LRBA: variants seen among roughly 807,000 people sequenced by gnomAD.
The protein encoded by LRBA is LPS responsive beige-like anchor protein, also known as lipopolysaccharide-responsive and beige-like anchor protein.
Under a neutral mutation model 330.0 loss-of-function variants are expected in LRBA, and 176 were observed. The observed-to-expected ratio is 0.53, with a 90% CI of 0.47 to 0.60. LRBA has a LOEUF of 0.60. Ranked by LOEUF, LRBA falls within the 20% of genes least tolerant of loss-of-function variation. The pLI, the probability that LRBA is intolerant of heterozygous loss-of-function variation, is 0.00. For missense variants in LRBA, 3,259 were observed against 3,444.8 expected (o/e 0.95, Z 1.35); for synonymous variants, 1,230 against 1,193.0 (o/e 1.03, Z -0.64).
At chr4:150,938,857 G>C (rs150716882) in intron 2 of LRBA, among the ~76,000 whole-genome samples, 15 of 152,098 alleles carry the variant, frequency 9.9e-5, no homozygotes, top group African/African-American at 3.6e-4. Context: ...GGGCCTCTCT[G>C]TTCTATCAGT....
At chr4:150,500,111 G>A (rs575083767) in intron 40 of LRBA, among the ~76,000 whole-genome samples, 2 of 152,096 alleles carry the variant, frequency 1.3e-5, no homozygotes, top group Non-Finnish European at 2.9e-5. Context: ...GATAGTGAAT[G>A]TTCCCAACAT....
chr4:150,828,053 T>A (rs1746532205), intron 30 of LRBA, 127 bp downstream of exon 30: 1 of 717,702 alleles, frequency 1.4e-6, no homozygotes, highest in African/African-American at 1.8e-5. Context: ...TATTGGTAGT[T>A]AAGTTCTGAG....
intron 47 of LRBA, among the ~76,000 whole-genome samples, chr4:150,389,854 A>G (rs1389260358): frequency 2.0e-5 from 3 of 151,658 alleles, no homozygotes; most frequent in African/African-American, 7.3e-5. Flanking sequence ...TGTCGGCAAC[A>G]AATGTGAGAC....
chr4:150,540,101 A>G (rs1765154349), intron 40 of LRBA, among the ~76,000 whole-genome samples: 1 of 152,210 alleles, frequency 6.6e-6, no homozygotes, highest in Non-Finnish European at 1.5e-5. Flanking sequence ...AATATCACAA[A>G]ATACCTAGGT....
intron 28 of LRBA, among the ~76,000 whole-genome samples, chr4:150,837,782 C>T (rs1298830816): frequency 2.6e-5 from 4 of 151,870 alleles, no homozygotes; most frequent in South Asian, 2.1e-4. Flanking sequence ...GAGCATTTAG[C>T]CCATTTACAT....
At chr4:150,894,352 G>A (rs1451725754) in intron 16 of LRBA, among the ~76,000 whole-genome samples, 1 of 152,114 alleles carries the variant, frequency 6.6e-6, no homozygotes, top group Non-Finnish European at 1.5e-5. Flanking sequence ...TCCCTATAAA[G>A]ATAAAGATAA....
chr4:150,993,650 G>A (rs1232934361), intron 2 of LRBA, among the ~76,000 whole-genome samples: 2 of 152,172 alleles, frequency 1.3e-5, no homozygotes, highest in African/African-American at 2.4e-5. Flanking sequence ...ATCATGGAGG[G>A]AAGCAAAAGG....
At chr4:150,589,245 G>C (rs1056281430) in intron 39 of LRBA, among the ~76,000 whole-genome samples, 1 of 152,154 alleles carries the variant, frequency 6.6e-6, no homozygotes. Context: ...GGGTGAATAA[G>C]TGTTTCAAAA....
chr4:150,762,791 C>G (rs1410651644), intron 34 of LRBA, among the ~76,000 whole-genome samples: 1 of 151,716 alleles, frequency 6.6e-6, no homozygotes, highest in African/African-American at 2.4e-5. Flanking sequence ...TTCATAAAAC[C>G]CAAATCAAAA....
At chr4:150,298,698 C>T (rs962223727) in intron 53 of LRBA, among the ~76,000 whole-genome samples, 4 of 151,906 alleles carry the variant, frequency 2.6e-5, no homozygotes, top group Admixed American at 6.6e-5. Flanking sequence ...TCAGTAGACG[C>T]CAATCCCATA....
chr4:150,552,120 C>A (rs1244440980), intron 40 of LRBA, among the ~76,000 whole-genome samples: 2 of 152,136 alleles, frequency 1.3e-5, no homozygotes, highest in Non-Finnish European at 2.9e-5. Flanking sequence ...TGACAGGAGG[C>A]AGAGCTCAGG....
chr4:150,331,987 TTG>T (rs1734060867), intron 48 of LRBA, among the ~76,000 whole-genome samples: 1 of 152,096 alleles, frequency 6.6e-6, no homozygotes, highest in Admixed American at 6.6e-5. Context: ...TTTTATTGAG[TTG>T]TGAGGATTAA....
At chr4:150,339,175 T>C (rs1032972003) in intron 48 of LRBA, among the ~76,000 whole-genome samples, 2 of 152,118 alleles carry the variant, frequency 1.3e-5, no homozygotes, top group Admixed American at 1.3e-4. Flanking sequence ...AACTCAAATG[T>C]TAAAAAGTAT....
chr4:150,431,558 G>A (rs914693379), intron 46 of LRBA, among the ~76,000 whole-genome samples: 2 of 151,914 alleles, frequency 1.3e-5, no homozygotes, highest in Non-Finnish European at 2.9e-5. Flanking sequence ...GGAAGACTTA[G>A]TATCAAAAAA....
intron 40 of LRBA, among the ~76,000 whole-genome samples, chr4:150,538,289 T>C (rs1392985422): frequency 6.6e-6 from 1 of 152,174 alleles, no homozygotes; most frequent in East Asian, 1.9e-4. Flanking sequence ...TTGCTGGATA[T>C]ATACTCTAAA....
At position 150,583,200 on chromosome 4, in the gene LRBA, C is replaced by T. The variant is rs369983854; in HGVS notation, c.6330+4848G>A. The stretch of plus-strand genomic sequence containing the variant: ...AGCCTCGCTTCATCAGCTCCTTGAG[C>T]GAGATCGATGCCCGCTACGAGGGGC... On this transcript the variant is annotated intron_variant, in intron 40 of 56. Transcript: ENST00000651943. This position sits in a 1 kb window ranked among gnomAD's most constrained non-coding sequence, Gnocchi z 9.8. 2 of 1,614,214 alleles carry T rather than the reference C, an allele frequency of 1.2e-6. No individual in the cohort carries two copies. The highest frequency in any genetic ancestry group is 2.7e-5 in the African/African-American group (2 of 75,066).
chr4:150,803,109 C>CACACAT (rs1553964883), intron 33 of LRBA, among the ~76,000 whole-genome samples: 142 of 144,002 alleles, frequency 9.9e-4, no homozygotes, highest in Non-Finnish European at 3.8e-4. Context: ...CACACACACA[C>CACACAT]ATATATACAC....
At chr4:150,844,632 G>A in intron 27 of LRBA, 26 bp downstream of exon 27, 2 of 1,574,598 alleles carry the variant, frequency 1.3e-6, no homozygotes, top group Admixed American at 2.0e-5. Flanking sequence ...TATGCTTTTT[G>A]AAAATTAATT....
chr4:150,931,806 G>GA (rs1308888947), intron 2 of LRBA, among the ~76,000 whole-genome samples: 3 of 151,172 alleles, frequency 2.0e-5, no homozygotes, highest in Non-Finnish European at 2.9e-5. Context: ...ATATCTGGGG[G>GA]AAAAAAAATC....
Sources: gnomAD v4.1 joint callset for allele counts (sites outside exome capture counted in the v4.1 genomes callset) on GRCh38, gnomAD v4.1.1 for gene constraint, Gnocchi (gnomAD v3.1) non-coding constraint, MANE v1.5 for transcripts, NCBI Gene and HGNC (gene_info 2026-07-23, HGNC 2026-07-21) for gene names.